Variants in PDGFC observed in about 807,000 individuals in gnomAD.
The protein encoded by PDGFC is platelet derived growth factor C.
In PDGFC, 12 loss-of-function variants were observed where a neutral mutation model predicts 35.5. The ratio of observed to expected loss-of-function variants is 0.34; its 90% CI spans 0.22 to 0.55. PDGFC has a LOEUF of 0.55. PDGFC is among the 20% of genes least tolerant of loss of function. The pLI, the probability that PDGFC is intolerant of heterozygous loss-of-function variation, is 0.91. For missense variants in PDGFC, 322 were observed against 412.4 expected (o/e 0.78, Z 1.90); for synonymous variants, 159 against 148.8 (o/e 1.07, Z -0.50).
rs576724229 is a variant in PDGFC at position 156,792,070 on chromosome 4, T to C, written c.495+18767A>G. Among the ~76,000 whole-genome samples the C allele has an allele frequency of 8.8e-4, 134 of 152,332 alleles. 1 individual carries two copies. Among genetic ancestry groups the C allele is most frequent in the African/African-American group, 3.1e-3 (129 of 41,586 alleles). ...ATGGTTAACATCTGTAAAAAATTTCTGTCAATCCCAAGGTCCAAGGAAAAC... is the reference window on the plus strand; with the variant it reads ...ATGGTTAACATCTGTAAAAAATTTCCGTCAATCCCAAGGTCCAAGGAAAAC... On this transcript the variant is annotated intron_variant, in intron 3 of 5. Transcript: ENST00000502773.
chr4:156,770,171 T>C (rs527262848), intron 4 of PDGFC: 16 of 152,176 alleles, frequency 1.1e-4, no homozygotes, highest in African/African-American at 3.8e-4. Context: ...TTCCACTCAT[T>C]TATCATGTTT....
chr4:156,907,057 C>T (rs2110789633), intron 1 of PDGFC, among the ~76,000 whole-genome samples: 1 of 152,222 alleles, frequency 6.6e-6, no homozygotes, highest in South Asian at 2.1e-4. Flanking sequence ...TTTATGAAAT[C>T]TGTTTATTTT....
chr4:156,909,726 T>C (rs989921950), intron 1 of PDGFC, among the ~76,000 whole-genome samples: 5 of 152,230 alleles, frequency 3.3e-5, no homozygotes, highest in African/African-American at 1.2e-4. Flanking sequence ...CCTTGACTAC[T>C]GTAGTGGGCT....
At chr4:156,921,627 T>A (rs1202876667) in intron 1 of PDGFC, among the ~76,000 whole-genome samples, 1 of 152,214 alleles carries the variant, frequency 6.6e-6, no homozygotes, top group Non-Finnish European at 1.5e-5. Flanking sequence ...GTTTTCAGTA[T>A]GACACCTTTA....
intron 2 of PDGFC, among the ~76,000 whole-genome samples, chr4:156,818,347 T>C (rs1732149431): frequency 6.6e-6 from 1 of 151,928 alleles, no homozygotes; most frequent in Non-Finnish European, 1.5e-5. Context: ...TTTGTGTTCC[T>C]GGGTCACATT....
chr4:156,967,237 A>T (rs911973558), intron 1 of PDGFC: 1 of 152,096 alleles, frequency 6.6e-6, no homozygotes, highest in Admixed American at 6.5e-5. Context: ...TGGCGAGGGG[A>T]CTGGGCACCT....
chr4:156,940,008 C>T (rs998889560), intron 1 of PDGFC, among the ~76,000 whole-genome samples: 3 of 152,098 alleles, frequency 2.0e-5, no homozygotes, highest in Admixed American at 6.6e-5. Context: ...CTGATTTTCT[C>T]ATTTCCTCAG....
intron 2 of PDGFC, among the ~76,000 whole-genome samples, chr4:156,815,357 C>T (rs1437735380): frequency 1.3e-5 from 2 of 151,046 alleles, no homozygotes; most frequent in Non-Finnish European, 2.9e-5. Context: ...CACACACACA[C>T]ACACACACAC....
At chr4:156,881,854 T>C (rs1201580026) in intron 1 of PDGFC, among the ~76,000 whole-genome samples, 1 of 151,098 alleles carries the variant, frequency 6.6e-6, no homozygotes, top group Admixed American at 6.6e-5. Context: ...AAGCAAGAGT[T>C]TCCTTACATA....
chr4:156,922,581 T>C (rs1731312059), intron 1 of PDGFC, among the ~76,000 whole-genome samples: 2 of 152,160 alleles, frequency 1.3e-5, no homozygotes, highest in South Asian at 4.1e-4. Context: ...ATAGGAAGTA[T>C]CTTTGGGCAT....
At position 156,863,995 on chromosome 4, in the gene PDGFC, G is replaced by GT. The variant is rs150128735; in HGVS notation, c.119-13580dup. ...TTGCCAAAGCTTCTGTTTGTTTCTT[G>GT]TTTTTTTTGTTGTTGTTGTTTTGGT... On this transcript the variant is annotated intron_variant, in intron 1 of 5. Transcript: ENST00000502773. Among the ~76,000 whole-genome samples, 232 of 151,386 alleles carry GT rather than the reference G, an allele frequency of 1.5e-3. 1 individual carries two copies. Among genetic ancestry groups the GT allele is most frequent in the South Asian group, 0.014 (67 of 4,794 alleles).
At chr4:156,886,334 G>T (rs1730374831) in intron 1 of PDGFC, among the ~76,000 whole-genome samples, 1 of 152,148 alleles carries the variant, frequency 6.6e-6, no homozygotes, top group African/African-American at 2.4e-5. Context: ...ATTCCTAAAA[G>T]ACCAAAAGGT....
intron 1 of PDGFC, among the ~76,000 whole-genome samples, chr4:156,897,170 G>A (rs1169567251): frequency 1.3e-5 from 2 of 152,028 alleles, no homozygotes; most frequent in African/African-American, 4.8e-5. Context: ...GTTTTATTAA[G>A]GTAAACAGAG....
chr4:156,953,643 C>T (rs910540323), intron 1 of PDGFC, among the ~76,000 whole-genome samples: 1 of 151,948 alleles, frequency 6.6e-6, no homozygotes, highest in Non-Finnish European at 1.5e-5. Context: ...AATGATAATA[C>T]TTTCAAAGTT....
intron 1 of PDGFC, among the ~76,000 whole-genome samples, chr4:156,966,974 G>T (rs1732481224): frequency 6.6e-6 from 1 of 150,618 alleles, no homozygotes. Flanking sequence ...CACTGTACTT[G>T]TTCAACTTCC....
intron 5 of PDGFC, among the ~76,000 whole-genome samples, chr4:156,766,253 A>T (rs1209754506): frequency 6.6e-6 from 1 of 152,148 alleles, no homozygotes; most frequent in Non-Finnish European, 1.5e-5. Context: ...ATTTCAATGA[A>T]GATACAACAT....
chr4:156,818,634 C>A (rs1020961775), intron 2 of PDGFC, among the ~76,000 whole-genome samples: 17 of 149,848 alleles, frequency 1.1e-4, no homozygotes, highest in African/African-American at 4.2e-4. Flanking sequence ...CATTCTCCTG[C>A]CTCAGCCTCC....
intron 3 of PDGFC, chr4:156,779,107 CAGA>C: frequency 2.2e-6 from 1 of 456,104 alleles, no homozygotes; most frequent in South Asian, 1.5e-5. Flanking sequence ...GCCTAAGCAG[CAGA>C]CAGGGCATGC....
At chr4:156,877,161 T>C (rs1730134924) in intron 1 of PDGFC, among the ~76,000 whole-genome samples, 1 of 152,108 alleles carries the variant, frequency 6.6e-6, no homozygotes, top group African/African-American at 2.4e-5. Context: ...TGAGATATGT[T>C]GATACAGGCA....
Sources: gnomAD v4.1 joint callset for allele counts (sites outside exome capture counted in the v4.1 genomes callset) on GRCh38, gnomAD v4.1.1 for gene constraint, MANE v1.5 for transcripts, NCBI Gene and HGNC (gene_info 2026-07-23, HGNC 2026-07-21) for gene names.